DAB1: variants seen among roughly 807,000 people sequenced by gnomAD.
DAB1 encodes DAB adaptor protein 1, also known as disabled homolog 1.
A neutral mutation model predicts 64.6 loss-of-function variants in DAB1; 15 were observed. The observed-to-expected ratio is 0.23, with a 90% CI of 0.16 to 0.36. The LOEUF (loss-of-function observed/expected upper bound fraction) is 0.36, where lower values mean the gene tolerates loss of function less well. Ranked by LOEUF, DAB1 falls within the 10% of genes least tolerant of loss-of-function variation. DAB1 has a pLI of 1.00. For synonymous variants in DAB1, 235 were observed against 251.9 expected (o/e 0.93, Z 0.64); for missense variants, 596 against 706.7 (o/e 0.84, Z 1.78).
intron 3 of DAB1, among the ~76,000 whole-genome samples, chr1:58,504,589 G>A (rs1347676211): frequency 2.6e-5 from 4 of 152,034 alleles, no homozygotes; most frequent in Non-Finnish European, 4.4e-5. Flanking sequence ...TAACTAGAAT[G>A]TTAACTCCAA....
chr1:57,307,592 C>T (rs1674298707), intron 1 of DAB1, among the ~76,000 whole-genome samples: 1 of 151,946 alleles, frequency 6.6e-6, no homozygotes, highest in Admixed American at 6.6e-5. Context: ...GCCACACTCC[C>T]TTTCCTGTCT....
chr1:58,232,261 T>C (rs144818919), intron 4 of DAB1, among the ~76,000 whole-genome samples: 1 of 152,294 alleles, frequency 6.6e-6, no homozygotes, highest in African/African-American at 2.4e-5. Context: ...AGACCGTGCC[T>C]AATAGTTCTC....
chr1:58,175,081 G>A (rs531088702), intron 4 of DAB1, among the ~76,000 whole-genome samples: 28 of 152,294 alleles, frequency 1.8e-4, no homozygotes, highest in Admixed American at 3.3e-4. Context: ...TCCATTCTGC[G>A]GAAGCTTTGT....
intron 5 of DAB1, among the ~76,000 whole-genome samples, chr1:58,035,741 A>G (rs1647035279): frequency 1.3e-5 from 2 of 152,234 alleles, no homozygotes; most frequent in African/African-American, 4.8e-5. Flanking sequence ...AATCAAAGGC[A>G]GCATCAGCCC....
intron 4 of DAB1, among the ~76,000 whole-genome samples, chr1:58,247,673 G>T (rs533589462): frequency 6.6e-6 from 1 of 152,118 alleles, no homozygotes; most frequent in Non-Finnish European, 1.5e-5. Flanking sequence ...TAAGCCGGGG[G>T]TAAGACTGGT....
chr1:57,398,289 T>G (rs868406754), intron 1 of DAB1, among the ~76,000 whole-genome samples: 3 of 152,104 alleles, frequency 2.0e-5, no homozygotes, highest in South Asian at 2.1e-4. Flanking sequence ...TGGGGCCTTA[T>G]GTGAGTGCCC....
intron 3 of DAB1, among the ~76,000 whole-genome samples, chr1:58,439,486 A>T (rs1644984051): frequency 6.6e-6 from 1 of 152,344 alleles, no homozygotes; most frequent in African/African-American, 2.4e-5. Flanking sequence ...GCTTTTTGAG[A>T]ACAGAGATTG....
At chr1:57,999,094 G>C (rs1340327600) in intron 5 of DAB1, among the ~76,000 whole-genome samples, 2 of 152,194 alleles carry the variant, frequency 1.3e-5, no homozygotes, top group African/African-American at 4.8e-5. Context: ...AATCCTCGCT[G>C]TTCCTGCCAA....
intron 3 of DAB1, among the ~76,000 whole-genome samples, chr1:58,446,042 C>T (rs926341580): frequency 6.6e-6 from 1 of 152,196 alleles, no homozygotes; most frequent in African/African-American, 2.4e-5. Context: ...ACAGGACATC[C>T]CCGGTCCCGG....
chr1:57,435,033 C>CTT (rs1281077082), intron 7 of DAB1, among the ~76,000 whole-genome samples: 2 of 137,380 alleles, frequency 1.5e-5, no homozygotes, highest in Non-Finnish European at 3.1e-5. Flanking sequence ...CTCTCTTTTT[C>CTT]TTTTCTTTTT....
chr1:57,659,189 G>A (rs755230994), intron 6 of DAB1, among the ~76,000 whole-genome samples: 1 of 152,132 alleles, frequency 6.6e-6, no homozygotes, highest in African/African-American at 2.4e-5. Context: ...GGCAGAAAGC[G>A]GATCTGCTGA....
intron 6 of DAB1, among the ~76,000 whole-genome samples, chr1:57,658,012 G>C (rs1186177871): frequency 1.3e-5 from 2 of 152,094 alleles, no homozygotes; most frequent in Non-Finnish European, 2.9e-5. Flanking sequence ...TTATATTCCA[G>C]ACATGGTTCT....
intron 7 of DAB1, among the ~76,000 whole-genome samples, chr1:57,576,223 G>A (rs1208460974): frequency 5.9e-5 from 9 of 152,084 alleles, no homozygotes; most frequent in Non-Finnish European, 1.5e-5. Flanking sequence ...GTAATGTAAT[G>A]TTCTGAGCAC....
intron 4 of DAB1, among the ~76,000 whole-genome samples, chr1:57,128,610 C>T (rs995998469): frequency 3.9e-5 from 6 of 152,082 alleles, no homozygotes; most frequent in East Asian, 1.9e-4. Flanking sequence ...CCATATGACC[C>T]TTGGTTTTCA....
chr1:58,412,358 G>T (rs539730732), intron 3 of DAB1, among the ~76,000 whole-genome samples: 1 of 146,618 alleles, frequency 6.8e-6, no homozygotes, highest in Admixed American at 6.8e-5. Flanking sequence ...AACCCAGTAA[G>T]TTCTCTCTCT....
intron 2 of DAB1, among the ~76,000 whole-genome samples, chr1:57,173,838 C>G (rs1662029784): frequency 6.6e-6 from 1 of 151,704 alleles, no homozygotes; most frequent in South Asian, 2.1e-4. Flanking sequence ...GGAAAAATTA[C>G]AATAATTTCA....
chr1:57,405,285 A>C (rs1683541050), intron 1 of DAB1, among the ~76,000 whole-genome samples: 1 of 152,206 alleles, frequency 6.6e-6, no homozygotes, highest in African/African-American at 2.4e-5. Context: ...GATAAAGAAA[A>C]ACAAACAATG....
At chr1:57,324,848 C>T (rs897050660) in intron 1 of DAB1, among the ~76,000 whole-genome samples, 35 of 152,142 alleles carry the variant, frequency 2.3e-4, no homozygotes, top group African/African-American at 7.7e-4. Flanking sequence ...ACCCTCAATG[C>T]CTGCAAAGGA....
Position 57,468,678 on chromosome 1 carries a change from C to T in DAB1, n.626-177512G>A, listed in dbSNP as rs577548916. Among the ~76,000 whole-genome samples, 15 of 152,194 alleles carry T rather than the reference C, an allele frequency of 9.9e-5. No homozygotes were observed. In the South Asian group the frequency reaches 2.7e-3, roughly 27 times the overall value. ...GGGGGTTGTAAGAAGAGAGGTATCACAGCCATCCAAGAAAAAAAATTATGA... is the reference window on the plus strand; with the variant it reads ...GGGGGTTGTAAGAAGAGAGGTATCATAGCCATCCAAGAAAAAAAATTATGA... On this transcript the variant is annotated intron_variant and non_coding_transcript_variant, in intron 7 of 20. Transcript: ENST00000485760.
Sources: gnomAD v4.1 joint callset for allele counts (sites outside exome capture counted in the v4.1 genomes callset) on GRCh38, gnomAD v4.1.1 for gene constraint, MANE v1.5 for transcripts, NCBI Gene and HGNC (gene_info 2026-07-23, HGNC 2026-07-21) for gene names.